PCCB: variants seen among roughly 807,000 people sequenced by gnomAD.
PCCB encodes propionyl-CoA carboxylase beta chain, mitochondrial.
In PCCB, 43 loss-of-function variants were observed where a neutral mutation model predicts 60.7. The ratio of observed to expected loss-of-function variants is 0.71; its 90% CI spans 0.55 to 0.91. PCCB has a LOEUF of 0.91. PCCB is among the 40% of genes least tolerant of loss of function. PCCB has a pLI of 0.00. For missense variants in PCCB, 766 were observed against 702.8 expected (o/e 1.09, Z -1.02); for synonymous variants, 276 against 255.9 (o/e 1.08, Z -0.75).
In PCCB at chr3:136,262,005, T is replaced by G. The variant is rs751200837; in HGVS notation, c.483T>G (p.Ser161=). The change falls in exon 5 of 15, where the codon TCT becomes TCG. Residue 161 remains serine (S), a synonymous_variant. Transcript: ENST00000251654. ...CTCCAGTGATTGGGCTGAATGACTC[T>G]GGGGGAGCACGGATCCAAGAAGGAG... ...VGAPVIGLND[S]GGARIQEGVE... 1 of 1,562,544 alleles carries G rather than the reference T, an allele frequency of 6.4e-7. No homozygotes were observed. Among genetic ancestry groups the G allele is most frequent in the South Asian group, 1.2e-5 (1 of 84,874 alleles).
chr3:136,262,493 A>G (rs560992896), intron 5 of PCCB, among the ~76,000 whole-genome samples: 1 of 152,334 alleles, frequency 6.6e-6, no homozygotes, highest in African/African-American at 2.4e-5. Flanking sequence ...TGCAAAGAAG[A>G]ATGAAATCAC....
intron 2 of PCCB, 34 bp from the exon 3 acceptor site, chr3:136,256,521 T>A (rs376504464): frequency 6.5e-7 from 1 of 1,541,838 alleles, no homozygotes; most frequent in Non-Finnish European, 9.0e-7. Flanking sequence ...AGTATTTGGA[T>A]TTTTTAACCT....
Position 136,326,886 on chromosome 3 carries a change from G to C in PCCB, c.1174G>C (p.Val392Leu). The change falls in exon 11 of 15, where the codon GTT becomes CTT. Residue 392 changes from valine (V) to leucine (L), a missense_variant. Transcript: ENST00000251654. ...DAFNIPLITF[V>L]DVPGFLPGTA... The stretch of plus-strand genomic sequence containing the variant: ...ATTCAATATTCCACTCATCACTTTT[G>C]TTGATGTCCCTGGCTTTCTACCTGG... 1 of 1,611,666 alleles carries C rather than the reference G, an allele frequency of 6.2e-7. No homozygotes were observed. The highest frequency in any genetic ancestry group is 8.5e-7 in the Non-Finnish European group (1 of 1,177,760).
At chr3:136,276,141 C>G (rs1942325138) in intron 5 of PCCB, among the ~76,000 whole-genome samples, 1 of 152,118 alleles carries the variant, frequency 6.6e-6, no homozygotes, top group Non-Finnish European at 1.5e-5. Flanking sequence ...ATGGAAAGGT[C>G]TCTTGAAGCT....
chr3:136,260,057 T>TTTTTG lies in PCCB; in HGVS notation c.373-391_373-387dup, dbSNP rs10602343. On this transcript the variant is annotated intron_variant, in intron 3 of 14. Transcript: ENST00000251654. Reference sequence around the variant, plus strand: ...GCGAGCCACCATGCCCGGGCAACTTTTTTTGTTTTGTTTTGTTTTGTTTTG... The same window carrying TTTTTG: ...GCGAGCCACCATGCCCGGGCAACTTTTTTTGTTTTGTTTTGTTTTGTTTTGTTTTG... 5.5e-3 allele frequency: 1,417 copies of TTTTTG among 256,612 alleles called. 14 individuals carry two copies. The highest frequency in any genetic ancestry group is 0.041 in the East Asian group (359 of 8,828). The allele number at this position is 256,612 out of a possible 1,614,324, so 15.9% of individuals were successfully genotyped here.
At chr3:136,287,685 C>A (rs1933481794) in intron 6 of PCCB, among the ~76,000 whole-genome samples, 1 of 152,210 alleles carries the variant, frequency 6.6e-6, no homozygotes, top group East Asian at 1.9e-4. Context: ...ATCTGCCGGC[C>A]TCAGCCTCCT....
chr3:136,251,004 TG>T (rs1941500662), intron 1 of PCCB, among the ~76,000 whole-genome samples: 1 of 152,192 alleles, frequency 6.6e-6, no homozygotes, highest in South Asian at 2.1e-4. Context: ...GCAGGAAAAC[TG>T]AACTTGGGCA....
chr3:136,272,923 T>G (rs145629076), intron 5 of PCCB, among the ~76,000 whole-genome samples: 17 of 152,314 alleles, frequency 1.1e-4, no homozygotes, highest in Non-Finnish European at 2.1e-4. Context: ...TGTCAGTTTG[T>G]GTTCTTTCAG....
At chr3:136,291,278 C>T (rs559897613) in intron 6 of PCCB, among the ~76,000 whole-genome samples, 5 of 152,262 alleles carry the variant, frequency 3.3e-5, no homozygotes, top group African/African-American at 1.2e-4. Context: ...TGGCAAACAT[C>T]TTAATTGTAG....
At position 136,250,343 on chromosome 3, in the gene PCCB, T is replaced by TGCGCCGGTAGGGGAC. The variant is rs1456091980; in HGVS notation, c.-25_-11dup. ...ACGCTTTAGCACATGCGTACTCAGG[T>TGCGCCGGTAGGGGAC]GCGCCGGTAGGGGACGCGCCGGCAC... On this transcript the variant is annotated 5_prime_UTR_variant, in exon 1 of 15. Coordinates refer to ENST00000251654, the MANE Select transcript of PCCB (RefSeq NM_000532.5). 6.7e-7 allele frequency: 1 copy of TGCGCCGGTAGGGGAC among 1,483,370 alleles called. No individual in the cohort carries two copies. The highest frequency in any genetic ancestry group is 2.5e-5 in the East Asian group (1 of 40,220). The allele number at this position is 1,483,370 out of a possible 1,614,324, so 91.9% of individuals were successfully genotyped here. A position where few individuals can be genotyped will look rare whatever the true frequency, so the allele number is the denominator to read the frequency against.
chr3:136,311,037 T>C (rs1358076907), intron 9 of PCCB, among the ~76,000 whole-genome samples: 1 of 152,152 alleles, frequency 6.6e-6, no homozygotes, highest in African/African-American at 2.4e-5. Context: ...ATTATTCCCA[T>C]TATTATTTAA....
chr3:136,300,996 A>T (rs776644756), intron 8 of PCCB, 34 bp from the exon 9 acceptor site: 3 of 1,539,068 alleles, frequency 1.9e-6, no homozygotes, highest in South Asian at 2.2e-5. Flanking sequence ...GGCTCTTCCT[A>T]TGTTGACTAT....
At chr3:136,251,860 A>G (rs2108130199) in intron 1 of PCCB, among the ~76,000 whole-genome samples, 1 of 151,822 alleles carries the variant, frequency 6.6e-6, no homozygotes, top group African/African-American at 2.4e-5. Context: ...TTTAATATGA[A>G]CCCCCTCCTG....
chr3:136,323,048 T>C (rs1299636417), intron 10 of PCCB, among the ~76,000 whole-genome samples: 2 of 150,914 alleles, frequency 1.3e-5, no homozygotes, highest in South Asian at 2.1e-4. Context: ...TGTCTTTCAG[T>C]AATTTGACTA....
At chr3:136,282,764 T>A (rs534124813) in intron 5 of PCCB, among the ~76,000 whole-genome samples, 1 of 152,254 alleles carries the variant, frequency 6.6e-6, no homozygotes, top group African/African-American at 2.4e-5. Context: ...ATTTGAATTA[T>A]AGTCTGGTGT....
chr3:136,278,868 C>T (rs1211944069), intron 5 of PCCB, among the ~76,000 whole-genome samples: 4 of 152,152 alleles, frequency 2.6e-5, no homozygotes, highest in Non-Finnish European at 5.9e-5. Flanking sequence ...GTTGTTCTGT[C>T]TGTTATTAGA....
intron 3 of PCCB, among the ~76,000 whole-genome samples, chr3:136,259,995 T>G (rs961447006): frequency 2.0e-5 from 3 of 152,128 alleles, no homozygotes; most frequent in African/African-American, 7.2e-5. Flanking sequence ...CAAGTGATCC[T>G]CCTGCCTTGG....
At chr3:136,277,230 A>G (rs1199757367) in intron 5 of PCCB, among the ~76,000 whole-genome samples, 1 of 151,846 alleles carries the variant, frequency 6.6e-6, no homozygotes, top group East Asian at 1.9e-4. Flanking sequence ...CAGATGCAGG[A>G]CCTCCTGGTT....
At chr3:136,280,502 T>C (rs1942448551) in intron 5 of PCCB, among the ~76,000 whole-genome samples, 1 of 152,118 alleles carries the variant, frequency 6.6e-6, no homozygotes, top group South Asian at 2.1e-4. Context: ...TGCACCACCA[T>C]GCCTAGCTAA....
Sources: allele counts gnomAD v4.1 joint callset (sites outside exome capture counted in the v4.1 genomes callset), GRCh38; gene constraint gnomAD v4.1.1; transcripts MANE v1.5; gene names NCBI Gene and HGNC (gene_info 2026-07-23, HGNC 2026-07-21).